The following TNC variants were observed in gnomAD, a reference collection of about 807,000 sequenced individuals.
TNC encodes the protein tenascin C, also known as tenascin.
In TNC, 109 loss-of-function variants were observed where a neutral mutation model predicts 202.4. The ratio of observed to expected loss-of-function variants is 0.54; its 90% CI spans 0.46 to 0.63. The LOEUF (loss-of-function observed/expected upper bound fraction) is 0.63. Ranked by LOEUF, TNC falls within the 30% of genes least tolerant of loss-of-function variation. TNC has a pLI of 0.00. For missense variants in TNC, 2,756 were observed against 2,833.3 expected (o/e 0.97, Z 0.62); for synonymous variants, 1,007 against 1,089.7 (o/e 0.92, Z 1.50).
intron 25 of TNC, among the ~76,000 whole-genome samples, chr9:115,027,398 T>A (rs1324802169): frequency 6.6e-6 from 1 of 152,052 alleles, no homozygotes; most frequent in Non-Finnish European, 1.5e-5. Flanking sequence ...GAGACCAGCC[T>A]GGCCAACATG....
intron 3 of TNC, 141 bp downstream of exon 3, chr9:115,085,722 GT>G: frequency 2.3e-6 from 2 of 869,498 alleles, no homozygotes; most frequent in Non-Finnish European, 3.4e-6. Flanking sequence ...GTCATTATGG[GT>G]GTGTGTTTAA....
chr9:115,033,942 A>T (rs1830131712), intron 22 of TNC, among the ~76,000 whole-genome samples: 1 of 152,242 alleles, frequency 6.6e-6, no homozygotes, highest in African/African-American at 2.4e-5. Flanking sequence ...GAGTCCAGCA[A>T]GTTCAGTAAA....
intron 22 of TNC, 100 bp downstream of exon 22, chr9:115,035,104 G>T: frequency 7.4e-7 from 1 of 1,354,782 alleles, no homozygotes. Flanking sequence ...CTCCCCAGAT[G>T]CACTGGGGTA....
Position 115,038,345 on chromosome 9 carries a change from T to C in TNC, c.5428A>G (p.Ile1810Val), listed in dbSNP as rs766611006. The C allele has an allele frequency of 1.8e-5, 29 of 1,614,042 alleles. No homozygotes were observed. In the Admixed American group the frequency reaches 4.7e-4, roughly 26 times the overall value. Residue 1810 changes from isoleucine (I) to valine (V), a missense_variant, in exon 20 of 28, where the codon ATC (isoleucine) becomes GTC (valine). Transcript: ENST00000350763. ...CTGGCCAAGGCTTCTGAGTCAGTGA[T>C]GTTGGCTGTCACCAGGCCAGATGGG... ...DGPSGLVTAN[I>V]TDSEALARWQ...
chr9:115,040,491 A>C (rs1564423839), intron 19 of TNC, among the ~76,000 whole-genome samples: 1 of 152,194 alleles, frequency 6.6e-6, no homozygotes, highest in African/African-American at 2.4e-5. Flanking sequence ...TAACATGAAC[A>C]ATTGTATTTC....
intron 15 of TNC, among the ~76,000 whole-genome samples, chr9:115,049,520 C>T (rs543191992): frequency 2.6e-5 from 4 of 152,224 alleles, no homozygotes; most frequent in South Asian, 2.1e-4. Flanking sequence ...TCAGGTCTTC[C>T]GACTCCAAGT....
chr9:115,041,307 G>A (rs995278631), intron 18 of TNC, among the ~76,000 whole-genome samples: 1 of 145,178 alleles, frequency 6.9e-6, no homozygotes, highest in African/African-American at 2.6e-5. Flanking sequence ...AGCCAGGAGG[G>A]GCGGGGGAAA....
chr9:115,076,183 TA>T lies in TNC; in HGVS notation c.2861-63del, dbSNP rs1389249752. ...AATCAGAGAGACTTTCAGAGGATGA[TA>T]AAAATGGCTTTGAGTTGGTCTCTGG... On this transcript the variant is annotated intron_variant, in intron 8 of 27. Transcript: ENST00000350763. 4 of 1,559,368 alleles carry T rather than the reference TA, an allele frequency of 2.6e-6. No individual in the cohort carries two copies. In the East Asian group the frequency reaches 6.7e-5, roughly 26 times the overall value.
chr9:115,053,741 A>G (rs1196949873), intron 15 of TNC, among the ~76,000 whole-genome samples: 2 of 152,234 alleles, frequency 1.3e-5, no homozygotes, highest in Non-Finnish European at 2.9e-5. Flanking sequence ...TACAGTACTT[A>G]ATATGCATTG....
At chr9:115,037,856 C>T (rs1830448756) in intron 20 of TNC, among the ~76,000 whole-genome samples, 2 of 152,192 alleles carry the variant, frequency 1.3e-5, no homozygotes, top group African/African-American at 4.8e-5. Flanking sequence ...ATTAAATCTG[C>T]TAAAACTAGC....
chr9:115,070,962 C>G (rs1833422206), intron 10 of TNC, among the ~76,000 whole-genome samples: 1 of 152,254 alleles, frequency 6.6e-6, no homozygotes, highest in Non-Finnish European at 1.5e-5. Context: ...CATTGTAAGC[C>G]TTTCCTGATT....
At chr9:115,099,359 A>C (rs1386413825) in intron 1 of TNC, among the ~76,000 whole-genome samples, 1 of 152,246 alleles carries the variant, frequency 6.6e-6, no homozygotes, top group African/African-American at 2.4e-5. Context: ...CTTGTTGTGA[A>C]GAATGATAAA....
In TNC at chr9:115,043,316, TCTC is replaced by T. The variant is rs560267016; in HGVS notation, c.5126-978_5126-976del. On this transcript the variant is annotated intron_variant, in intron 17 of 27. Transcript: ENST00000350763. ...CTGCATTTTTCTCTCATCTAAGACATCTCCTCCTACAGCTTTCTTCTGTGGCCT... is the reference window on the plus strand; with the variant it reads ...CTGCATTTTTCTCTCATCTAAGACATCTCCTACAGCTTTCTTCTGTGGCCT... 5.7e-4 allele frequency among the ~76,000 whole-genome samples: 87 copies of T among 152,206 alleles called. No individual in the cohort carries two copies. The Middle Eastern group carries it at 0.01, about 18-fold the overall frequency.
intron 16 of TNC, among the ~76,000 whole-genome samples, chr9:115,047,231 T>C (rs1002684987): frequency 7.0e-6 from 1 of 142,964 alleles, no homozygotes; most frequent in Non-Finnish European, 1.5e-5. Context: ...AGAAGGCTCC[T>C]ACCCTTGACT....
Position 115,045,959 on chromosome 9 carries a change from C to T in TNC, c.5125+451G>A, listed in dbSNP as rs564303049. On this transcript the variant is annotated intron_variant, in intron 17 of 27. Transcript: ENST00000350763. ...CATTATCTCCCTACTTGGTATAGCT[C>T]GAACATTTGGCCAAAGAACAAGGAA... Among the ~76,000 whole-genome samples the T allele has an allele frequency of 2.0e-5, 3 of 151,694 alleles. 1 individual carries two copies. In the South Asian group the frequency reaches 6.3e-4, roughly 32 times the overall value.
intron 1 of TNC, among the ~76,000 whole-genome samples, chr9:115,106,785 C>T (rs1490536232): frequency 2.0e-5 from 3 of 152,060 alleles, no homozygotes; most frequent in East Asian, 1.9e-4. Context: ...GATCAGAGAG[C>T]GTTTCAGAGG....
intron 2 of TNC, among the ~76,000 whole-genome samples, chr9:115,087,698 CTTT>C (rs752435283): frequency 9.4e-4 from 112 of 119,716 alleles, no homozygotes; most frequent in Admixed American, 9.6e-4. Context: ...TCTTTCTTTT[CTTT>C]TTTTTTTTTT....
intron 1 of TNC, among the ~76,000 whole-genome samples, chr9:115,094,003 G>A (rs1212405681): frequency 6.6e-6 from 1 of 152,132 alleles, no homozygotes; most frequent in African/African-American, 2.4e-5. Context: ...TTTGGAATTA[G>A]GCATACCTGG....
Position 115,029,454 on chromosome 9 carries a change from C to T in TNC, c.6075G>A (p.Val2025=), listed in dbSNP as rs1254935376. ...CGCGTCCGTTTTTGCGTCTCAGGAA[C>T]ACCTATAAACATATCGATGAATCTG... ...DMTSDGGGWI[V]FLRRKNGREN... Residue 2025 remains valine (V), a splice_region_variant and synonymous_variant, in exon 25 of 28, where the codon GTG becomes GTA. Transcript: ENST00000350763. 1 of 1,614,054 alleles carries T rather than the reference C, an allele frequency of 6.2e-7. No homozygotes were observed. The highest frequency in any genetic ancestry group is 1.1e-5 in the South Asian group (1 of 91,070).
Sources: gnomAD v4.1 joint callset for allele counts (sites outside exome capture counted in the v4.1 genomes callset) on GRCh38, gnomAD v4.1.1 for gene constraint, MANE v1.5 for transcripts, NCBI Gene and HGNC (gene_info 2026-07-23, HGNC 2026-07-21) for gene names.